ADGRV1: variants seen among roughly 807,000 people sequenced by gnomAD.
ADGRV1 encodes the protein G-protein coupled receptor 98.
ADGRV1 carries 359 observed loss-of-function variants against 596.2 expected under a neutral mutation model. The ratio of observed to expected loss-of-function variants is 0.60; its 90% CI spans 0.55 to 0.66. The LOEUF (loss-of-function observed/expected upper bound fraction) is 0.66, where lower values mean the gene tolerates loss of function less well. ADGRV1 is among the 30% of genes least tolerant of loss of function. The probability of loss-of-function intolerance (pLI) is 0.00; values close to 1 mark genes in which losing one functional copy is unlikely to be tolerated. For missense variants in ADGRV1, 7,274 were observed against 7,575.6 expected, an observed-to-expected ratio of 0.96 and a Z score of 1.48; for synonymous variants, 2,681 against 2,679.2, an observed-to-expected ratio of 1.00 and a Z score of -0.02.
At position 90,811,333 on chromosome 5, in the gene ADGRV1, T is replaced by C; in HGVS notation, c.16073T>C (p.Ile5358Thr). 6.3e-7 allele frequency: 1 copy of C among 1,599,006 alleles called. No individual in the cohort carries two copies. Among genetic ancestry groups the C allele is most frequent in the East Asian group, 2.2e-5 (1 of 44,764 alleles). The change falls in exon 74 of 90, where the codon ATT becomes ACT. Residue 5358 changes from isoleucine (I) to threonine (T), a missense_variant. By Grantham distance (89) the Ile-to-Thr change is moderately conservative. Coordinates refer to ENST00000405460, the MANE Select transcript of ADGRV1 (RefSeq NM_032119.4). ...TTTGCAGCTTTTGCCATGGTTATTA[T>C]TACAGGTATATCTTTGAAATGATGG... Reference protein sequence around the residue: ...TGFAAFAMVIITGSDLHNGII... With the variant: ...TGFAAFAMVITTGSDLHNGII...
chr5:90,858,396 T>C (rs1341054044), intron 82 of ADGRV1, among the ~76,000 whole-genome samples: 1 of 152,224 alleles, frequency 6.6e-6, no homozygotes, highest in Non-Finnish European at 1.5e-5. Flanking sequence ...TCTTTTGATA[T>C]TGTACTATCA....
chr5:90,773,770 A>G (rs1757935203), intron 59 of ADGRV1, among the ~76,000 whole-genome samples: 1 of 152,212 alleles, frequency 6.6e-6, no homozygotes, highest in South Asian at 2.1e-4. Context: ...GTTGATGAAC[A>G]ACGGCTGGCA....
chr5:91,135,699 T>TA, intron 87 of ADGRV1, among the ~76,000 whole-genome samples: 1 of 152,300 alleles, frequency 6.6e-6, no homozygotes, highest in South Asian at 2.1e-4. Flanking sequence ...AACAACTATT[T>TA]ATGAAAAACT....
intron 87 of ADGRV1, among the ~76,000 whole-genome samples, chr5:91,119,374 A>G (rs998989623): frequency 6.6e-6 from 1 of 152,186 alleles, no homozygotes; most frequent in East Asian, 1.9e-4. Context: ...CGAAGAAGAA[A>G]AATGTAGGCA....
At chr5:90,924,780 TC>T (rs533234165) in intron 83 of ADGRV1, among the ~76,000 whole-genome samples, 3,163 of 152,194 alleles carry the variant, frequency 0.021, 113 homozygotes, top group African/African-American at 0.071. Flanking sequence ...AACGTTTAAG[TC>T]TTTAATCCGT....
chr5:90,827,295 T>C (rs1042249970), intron 76 of ADGRV1, among the ~76,000 whole-genome samples: 2 of 152,166 alleles, frequency 1.3e-5, no homozygotes, highest in African/African-American at 4.8e-5. Flanking sequence ...TCACATATGA[T>C]CTGCAAGTCT....
chr5:90,851,134 TGAGAGAGAGAGAGA>T (rs141999531), intron 79 of ADGRV1, among the ~76,000 whole-genome samples: 1 of 81,448 alleles, frequency 1.2e-5, no homozygotes, highest in African/African-American at 3.7e-5. Context: ...TGTGTGTGTG[TGAGAGAGAGAGAGA>T]GAGAGAGAGA....
rs186603859 is a variant in ADGRV1 at position 91,034,108 on chromosome 5, T to A, written c.18153-38339T>A. On this transcript the variant is annotated intron_variant, in intron 85 of 89. Transcript: ENST00000405460. ...TCTATAGATACTAAATTTTAAAAAA[T>A]TTAAAGTTTGTATTTAATGTGATTG... Among the ~76,000 whole-genome samples, 332 of 152,282 alleles carry A rather than the reference T, an allele frequency of 2.2e-3. 5 individuals carry two copies. Among genetic ancestry groups the A allele is most frequent in the Admixed American group, 0.02 (307 of 15,298 alleles).
At chr5:90,820,977 G>A (rs1373953335) in intron 75 of ADGRV1, among the ~76,000 whole-genome samples, 1 of 151,724 alleles carries the variant, frequency 6.6e-6, no homozygotes, top group South Asian at 2.1e-4. Context: ...TGCTAGATTG[G>A]GGAAGTTCTC....
At chr5:91,067,373 C>T (rs1787977593) in intron 85 of ADGRV1, among the ~76,000 whole-genome samples, 2 of 152,184 alleles carry the variant, frequency 1.3e-5, no homozygotes, top group African/African-American at 4.8e-5. Flanking sequence ...GAACTCCCGA[C>T]CTCAGGTGAT....
intron 81 of ADGRV1, 62 bp from the exon 82 acceptor site, chr5:90,855,679 G>T: frequency 8.8e-7 from 1 of 1,138,044 alleles, no homozygotes; most frequent in Non-Finnish European, 1.2e-6. Flanking sequence ...TTCTTTAAAA[G>T]CCATCTCAAC....
chr5:90,871,989 A>G (rs577862884), intron 83 of ADGRV1, among the ~76,000 whole-genome samples: 12 of 152,344 alleles, frequency 7.9e-5, no homozygotes, highest in African/African-American at 2.9e-4. Flanking sequence ...GAGGAGGGCA[A>G]GGAGGATTCC....
In ADGRV1 at chr5:90,815,711, C is replaced by T. The variant is rs1244666968; in HGVS notation, c.16171C>T (p.Leu5391Phe). Residue 5391 changes from leucine to phenylalanine, a missense_variant, in exon 75 of 90, where the codon CTT becomes TTT. Transcript: ENST00000405460. ...AGGAGCTGTTATGAGAAGATTGCAC[C>T]TTATTGTCACAAGACAGCCAAACAG... ...REGAVMRRLHLIVTRQPNRAF... is the reference protein window; with the variant it reads ...REGAVMRRLHFIVTRQPNRAF... 1.3e-6 allele frequency: 2 copies of T among 1,562,660 alleles called. No individual in the cohort carries two copies. Among genetic ancestry groups the T allele is most frequent in the Non-Finnish European group, 1.7e-6 (2 of 1,150,076 alleles).
At chr5:90,567,886 C>G (rs892174055) in intron 1 of ADGRV1, among the ~76,000 whole-genome samples, 1 of 151,814 alleles carries the variant, frequency 6.6e-6, no homozygotes, top group South Asian at 2.1e-4. Context: ...ATTACAGGCA[C>G]CTGCCACCAC....
At chr5:91,063,868 T>G (rs138663331) in intron 85 of ADGRV1, among the ~76,000 whole-genome samples, 1 of 151,852 alleles carries the variant, frequency 6.6e-6, no homozygotes, top group African/African-American at 2.4e-5. Flanking sequence ...GTGGTGGTGG[T>G]GGTGGTGATG....
chr5:91,002,671 CT>C (rs561338439), intron 85 of ADGRV1, among the ~76,000 whole-genome samples: 82 of 151,802 alleles, frequency 5.4e-4, no homozygotes, highest in African/African-American at 1.9e-3. Context: ...ACTTTTTCTT[CT>C]CATGTACCCA....
intron 85 of ADGRV1, 63 bp downstream of exon 85, chr5:90,985,585 T>G: frequency 2.3e-6 from 3 of 1,285,326 alleles, no homozygotes; most frequent in Non-Finnish European, 3.4e-6. Context: ...TTCGTTGCCA[T>G]AAGAGCTGTG....
At chr5:91,060,199 C>A (rs940296814) in intron 85 of ADGRV1, among the ~76,000 whole-genome samples, 1 of 151,616 alleles carries the variant, frequency 6.6e-6, no homozygotes, top group African/African-American at 2.4e-5. Flanking sequence ...TGCTGGGGGG[C>A]GGGGCAGCAG....
chr5:90,696,779 T>TATAC (rs138328798), intron 33 of ADGRV1, among the ~76,000 whole-genome samples, 158 bp from the exon 34 acceptor site: 1 of 152,010 alleles, frequency 6.6e-6, no homozygotes, highest in Non-Finnish European at 1.5e-5. Context: ...TATATATATA[T>TATAC]AATTAAAATT....
Sources: allele counts gnomAD v4.1 joint callset (sites outside exome capture counted in the v4.1 genomes callset), GRCh38; gene constraint gnomAD v4.1.1; transcripts MANE v1.5; gene names NCBI Gene and HGNC (gene_info 2026-07-23, HGNC 2026-07-21).